YEATS2: variants seen among roughly 807,000 people sequenced by gnomAD.
YEATS2 encodes the protein YEATS domain-containing protein 2.
Under a neutral mutation model 163.2 loss-of-function variants are expected in YEATS2, and 77 were observed. That is an observed-to-expected ratio of 0.47 (90% CI 0.39 to 0.57). The LOEUF (loss-of-function observed/expected upper bound fraction) is 0.57, where lower values mean the gene tolerates loss of function less well. Ranked by LOEUF, YEATS2 falls within the 20% of genes least tolerant of loss-of-function variation. The pLI is 0.00. For synonymous variants in YEATS2, 631 were observed against 645.1 expected (o/e 0.98, Z 0.33); for missense variants, 1,549 against 1,729.8 (o/e 0.90, Z 1.85).
intron 13 of YEATS2, among the ~76,000 whole-genome samples, chr3:183,761,275 C>G (rs71318339): frequency 6.6e-6 from 1 of 152,016 alleles, no homozygotes; most frequent in Non-Finnish European, 1.5e-5. Context: ...TTAGTAGAGA[C>G]AGGGTTTCTC....
intron 9 of YEATS2, among the ~76,000 whole-genome samples, chr3:183,748,914 A>ATG (rs1348829153): frequency 6.6e-6 from 1 of 151,406 alleles, no homozygotes; most frequent in Admixed American, 6.6e-5. Flanking sequence ...TCATATATAT[A>ATG]TGTGTGTGTA....
At chr3:183,755,826 T>G (rs903103740) in intron 11 of YEATS2, among the ~76,000 whole-genome samples, 4 of 136,362 alleles carry the variant, frequency 2.9e-5, no homozygotes, top group Non-Finnish European at 6.1e-5. Context: ...CGATCTCGGC[T>G]CACTCCGCCA....
chr3:183,748,374 C>T (rs1175233889), intron 9 of YEATS2, among the ~76,000 whole-genome samples: 1 of 151,966 alleles, frequency 6.6e-6, no homozygotes, highest in East Asian at 1.9e-4. Context: ...GCCTCAGCCT[C>T]CCAAGTAGCT....
At chr3:183,719,677 T>C (rs1252736450) in intron 4 of YEATS2, among the ~76,000 whole-genome samples, 1 of 150,912 alleles carries the variant, frequency 6.6e-6, no homozygotes, top group African/African-American at 2.4e-5. Context: ...TTTTCTTTCT[T>C]TTTTTTTTAA....
At position 183,790,980 on chromosome 3, in the gene YEATS2, G is replaced by A. The variant is rs779648575; in HGVS notation, c.3097G>A (p.Gly1033Arg). The change falls in exon 21 of 31, where the codon GGA becomes AGA. Residue 1033 changes from glycine (G) to arginine (R), a missense_variant and splice_region_variant. Gly to Arg is a moderately radical substitution (Grantham distance 125). Coordinates refer to ENST00000305135, the MANE Select transcript of YEATS2 (RefSeq NM_018023.5). ...NPISGKATVS[G>R]LLKIHSSQSS... is the part of the protein sequence containing the mutation. ...CATCTCTGGGAAAGCCACAGTATCC[G>A]GTGAGTTGCATTGTGATATTATTTC... is the stretch of plus-strand genomic sequence containing the variant. 10 of 1,612,002 alleles carry A rather than the reference G, an allele frequency of 6.2e-6. No individual in the cohort carries two copies. Among genetic ancestry groups the A allele is most frequent in the East Asian group, 4.5e-5 (2 of 44,852 alleles).
In YEATS2 at chr3:183,800,838, G is replaced by A. The variant is rs1725601024; in HGVS notation, c.3428+270G>A. The A allele has an allele frequency of 1.2e-4, 41 of 335,842 alleles. 1 individual carries two copies. In the South Asian group the frequency reaches 1.4e-3, roughly 11 times the overall value. The allele number at this position is 335,842 out of a possible 1,614,324, so 20.8% of individuals were successfully genotyped here. A position where few individuals can be genotyped will look rare whatever the true frequency, so the allele number is the denominator to read the frequency against. ...CCCTTCAGTTGAAGTTGCCAACATG[G>A]GCTTTCTCTGCTGAGCCCGTAGGCA... On this transcript the variant is annotated intron_variant, in intron 24 of 30. Transcript: ENST00000305135.
At chr3:183,705,908 C>T (rs1427748293) in intron 1 of YEATS2, among the ~76,000 whole-genome samples, 1 of 151,850 alleles carries the variant, frequency 6.6e-6, no homozygotes, top group South Asian at 2.1e-4. Context: ...GGCATGGTGG[C>T]GGGCGCCTGT....
intron 18 of YEATS2, among the ~76,000 whole-genome samples, chr3:183,776,640 TC>T (rs1218128592): frequency 1.3e-5 from 2 of 152,166 alleles, no homozygotes; most frequent in African/African-American, 4.8e-5. Flanking sequence ...TCCAGGATCT[TC>T]CTGCCAAGCC....
Position 183,797,829 on chromosome 3 carries a change from T to G in YEATS2, c.3098-94T>G, listed in dbSNP as rs1459353306. 7.2e-6 allele frequency: 11 copies of G among 1,522,508 alleles called. No individual in the cohort carries two copies. The East Asian group carries it at 2.1e-4, about 29-fold the overall frequency. 94.3% of individuals were successfully genotyped at this position (1,522,508 alleles called of 1,614,324 possible). A position where few individuals can be genotyped will look rare whatever the true frequency, so the allele number is the denominator to read the frequency against. ...CTGGAAGGTTAAATGTCCTGGGAAC[T>G]TCCTCCATGACAAAATATGGGTAGC... On this transcript the variant is annotated intron_variant, in intron 21 of 30. Transcript: ENST00000305135.
chr3:183,740,451 A>G (rs57567341), intron 8 of YEATS2, among the ~76,000 whole-genome samples: 3,322 of 152,274 alleles, frequency 0.022, 126 homozygotes, highest in African/African-American at 0.076. Context: ...TAAAAGTGCT[A>G]CTCCAGTGAA....
intron 8 of YEATS2, among the ~76,000 whole-genome samples, chr3:183,741,066 G>A (rs558073300): frequency 6.1e-4 from 93 of 152,058 alleles, no homozygotes; most frequent in African/African-American, 2.1e-3. Context: ...AGCCTCCCAA[G>A]TAGCTAGGAT....
At chr3:183,772,611 A>G (rs376924531) in intron 16 of YEATS2, 48 bp downstream of exon 16, 1 of 1,603,398 alleles carries the variant, frequency 6.2e-7, no homozygotes. Context: ...GCTCTGTCCA[A>G]AATTTCCTTT....
At chr3:183,754,633 A>G (rs1236844186) in intron 11 of YEATS2, among the ~76,000 whole-genome samples, 1 of 152,230 alleles carries the variant, frequency 6.6e-6, no homozygotes, top group Non-Finnish European at 1.5e-5. Flanking sequence ...AATGTTTGCT[A>G]GGATATATGG....
At chr3:183,804,839 T>A (rs1014800137) in intron 27 of YEATS2, among the ~76,000 whole-genome samples, 6 of 151,318 alleles carry the variant, frequency 4.0e-5, no homozygotes, top group Non-Finnish European at 8.8e-5. Context: ...AACAAAAAAA[T>A]TAGCTGGGCG....
rs750455118 is a variant in YEATS2 at position 183,752,098 on chromosome 3, A to G, written c.995A>G (p.His332Arg). 2 of 1,613,878 alleles carry G rather than the reference A, an allele frequency of 1.2e-6. No homozygotes were observed. Among genetic ancestry groups the G allele is most frequent in the East Asian group, 4.5e-5 (2 of 44,870 alleles). The change falls in exon 10 of 31, where the codon CAT becomes CGT. Residue 332 changes from histidine to arginine, a missense_variant. His to Arg is a conservative substitution (Grantham distance 29, BLOSUM62 0). Transcript: ENST00000305135. The part of the protein sequence containing the change: ...ETVVDVELHR[H>R]SLGEDCIYPQ... ...GTAGTGGATGTTGAACTCCATCGCC[A>G]TTCTCTCGGAGAAGACTGTATCTAT...
In YEATS2 at chr3:183,711,365, C is replaced by T. The variant is rs888086328; in HGVS notation, c.-19-3779C>T. Among the ~76,000 whole-genome samples the T allele has an allele frequency of 4.1e-5, 6 of 147,858 alleles. No homozygotes were observed. In the East Asian group the frequency reaches 1.0e-3, roughly 25 times the overall value. On this transcript the variant is annotated intron_variant, in intron 1 of 30. Transcript: ENST00000305135. Reference sequence around the variant, plus strand: ...GAGGGCACCTGTAGTCCCAGCTACTCGGGAGGCTGAGGCAGGAGAATGGCG... The same window carrying T: ...GAGGGCACCTGTAGTCCCAGCTACTTGGGAGGCTGAGGCAGGAGAATGGCG...
chr3:183,741,328 T>G (rs1489589946), intron 8 of YEATS2, among the ~76,000 whole-genome samples: 1 of 152,172 alleles, frequency 6.6e-6, no homozygotes, highest in Admixed American at 6.6e-5. Flanking sequence ...CTACTCTGCC[T>G]CTGCTTTATA....
chr3:183,724,049 T>C (rs1425101559), intron 5 of YEATS2, among the ~76,000 whole-genome samples: 1 of 152,242 alleles, frequency 6.6e-6, no homozygotes, highest in East Asian at 1.9e-4. Flanking sequence ...TTGAACAGTT[T>C]TGAATATTAT....
At chr3:183,722,186 A>G (rs899890922) in intron 5 of YEATS2, 50 bp downstream of exon 5, 3 of 1,500,994 alleles carry the variant, frequency 2.0e-6, no homozygotes, top group Admixed American at 4.1e-5. Context: ...AGGGAACTAT[A>G]TTTACTAAAG....
Sources: gnomAD v4.1 joint callset for allele counts (sites outside exome capture counted in the v4.1 genomes callset) on GRCh38, gnomAD v4.1.1 for gene constraint, MANE v1.5 for transcripts, NCBI Gene and HGNC (gene_info 2026-07-23, HGNC 2026-07-21) for gene names.